Variants in MOGAT2 observed in about 807,000 individuals in gnomAD.
MOGAT2 encodes the protein monoacylglycerol O-acyltransferase 2.
Under a neutral mutation model 31.5 loss-of-function variants are expected in MOGAT2, and 27 were observed. The observed-to-expected ratio is 0.86, with a 90% confidence interval of 0.63 to 1.18. The LOEUF (loss-of-function observed/expected upper bound fraction) is 1.18. Ranked by LOEUF, MOGAT2 falls within the 50% of genes most tolerant of loss-of-function variation. MOGAT2 has a pLI of 0.00. For missense variants in MOGAT2, 436 were observed against 433.2 expected (o/e 1.01, Z -0.06); for synonymous variants, 163 against 170.0 (o/e 0.96, Z 0.32).
rs1944409721 is a variant in MOGAT2, at chr11:75,725,090, C to T, written c.271-2345C>T. Among the ~76,000 whole-genome samples the T allele has an allele frequency of 2.6e-5, 4 of 152,268 alleles. No homozygotes were observed. In the South Asian group the frequency reaches 8.3e-4, roughly 32 times the overall value. ...GCACAAGTGTGAGAAATTCTGTAGGCTAAATTCCTCAGCAGTGGAGTTGCT... is the reference window on the plus strand; with the variant it reads ...GCACAAGTGTGAGAAATTCTGTAGGTTAAATTCCTCAGCAGTGGAGTTGCT... On this transcript the variant is annotated intron_variant, in intron 2 of 5. Coordinates refer to ENST00000198801, the MANE Select transcript of MOGAT2 (RefSeq NM_025098.4).
chr11:75,726,125 A>G (rs1464165310), intron 2 of MOGAT2, among the ~76,000 whole-genome samples: 1 of 151,940 alleles, frequency 6.6e-6, no homozygotes, highest in East Asian at 1.9e-4. Flanking sequence ...GCTCTCTCTC[A>G]CTCAATCTAC....
intron 2 of MOGAT2, among the ~76,000 whole-genome samples, chr11:75,725,993 C>T (rs1316252265): frequency 6.6e-6 from 1 of 152,228 alleles, no homozygotes; most frequent in African/African-American, 2.4e-5. Flanking sequence ...CAGCGATAGT[C>T]TTTGTAGATT....
intron 2 of MOGAT2, 61 bp from the exon 3 acceptor site, chr11:75,727,374 T>C: frequency 1.3e-6 from 2 of 1,519,888 alleles, no homozygotes; most frequent in East Asian, 2.3e-5. Context: ...CACCAGTGAG[T>C]GGCAGAGTCA....
At chr11:75,724,196 C>A (rs1375271103) in intron 2 of MOGAT2, among the ~76,000 whole-genome samples, 1 of 152,248 alleles carries the variant, frequency 6.6e-6, no homozygotes, top group East Asian at 1.9e-4. Flanking sequence ...AGCCTTCCTT[C>A]TGAGGCTGTA....
rs1195759287 is a variant in MOGAT2, at chr11:75,727,503, G to A, written c.339G>A (p.Leu113=). ...YIAGFHPHGV[L]AVGAFANLCT... is the part of the protein sequence containing the mutation. ...CGGGCTTCCACCCCCATGGAGTCCT[G>A]GCAGTCGGAGCCTTTGCCAACCTGT... The change falls in exon 3 of 6, where the codon CTG becomes CTA. Residue 113 remains leucine, a synonymous_variant. Transcript: ENST00000198801. 1 of 1,614,150 alleles carries A rather than the reference G, an allele frequency of 6.2e-7. No homozygotes were observed. Among genetic ancestry groups the A allele is most frequent in the Admixed American group, 1.7e-5 (1 of 60,022 alleles).
At position 75,731,149 on chromosome 11, in the gene MOGAT2, G is replaced by A. The variant is rs1413270387; in HGVS notation, c.868G>A (p.Val290Ile). The change falls in exon 6 of 6, where the codon GTA (valine) becomes ATA (isoleucine). Residue 290 changes from valine (V) to isoleucine (I), a missense_variant. Transcript: ENST00000198801. ...ITTVVGKPIE[V>I]QKTLHPSEEE... ...CCTTGCAGTGGGGAAGCCCATCGAG[G>A]TACAGAAGACGCTGCATCCCTCGGA... 1 of 1,613,942 alleles carries A rather than the reference G, an allele frequency of 6.2e-7. No homozygotes were observed. Among genetic ancestry groups the A allele is most frequent in the Non-Finnish European group, 8.5e-7 (1 of 1,180,002 alleles).
chr11:75,729,975 C>T (rs1944460734), intron 5 of MOGAT2, among the ~76,000 whole-genome samples: 1 of 151,978 alleles, frequency 6.6e-6, no homozygotes, highest in South Asian at 2.1e-4. Context: ...GAACTCCTGA[C>T]CTCAAGTGAT....
In MOGAT2 at chr11:75,723,122, C is replaced by T. The variant is rs570474342; in HGVS notation, c.270+2952C>T. Among the ~76,000 whole-genome samples, 9 of 151,922 alleles carry T rather than the reference C, an allele frequency of 5.9e-5. No homozygotes were observed. The South Asian group carries it at 6.2e-4, about 11-fold the overall frequency. ...GATTACAGGTGCCCGCCACCACTCC[C>T]GGCTGATTTGTATTTTTTTAGTAGA... On this transcript the variant is annotated intron_variant, in intron 2 of 5. Transcript: ENST00000198801.
intron 3 of MOGAT2, 87 bp downstream of exon 3, chr11:75,727,726 G>C: frequency 7.4e-7 from 1 of 1,357,904 alleles, no homozygotes; most frequent in South Asian, 1.3e-5. Flanking sequence ...CCAAGAGCGT[G>C]TGCAGTAGGA....
chr11:75,731,331 T>C lies in MOGAT2; in HGVS notation c.*45T>C. The stretch of plus-strand genomic sequence containing the variant: ...CATTAGGGAGCCCAGCAGGAGGTGC[T>C]GTGCTGAGAAGACTTCCTGGAGGTG... On this transcript the variant is annotated 3_prime_UTR_variant, in exon 6 of 6. Transcript: ENST00000198801. 1 of 1,597,200 alleles carries C rather than the reference T, an allele frequency of 6.3e-7. No individual in the cohort carries two copies. The highest frequency in any genetic ancestry group is 8.5e-7 in the Non-Finnish European group (1 of 1,172,014).
At position 75,727,771 on chromosome 11, in the gene MOGAT2, G is replaced by A. The variant is rs575238553; in HGVS notation, c.475+132G>A. The stretch of plus-strand genomic sequence containing the variant: ...TAGGCCCAAAGAAGCACTTCCTACA[G>A]CACCATGCTGGGCGCTGAGTCCATC... On this transcript the variant is annotated intron_variant, in intron 3 of 5. Coordinates refer to ENST00000198801, the MANE Select transcript of MOGAT2 (RefSeq NM_025098.4). 301 of 1,065,250 alleles carry A rather than the reference G, an allele frequency of 2.8e-4. 1 individual carries two copies. Among genetic ancestry groups the A allele is most frequent in the Non-Finnish European group, 3.7e-4 (272 of 729,018 alleles). 66.0% of individuals were successfully genotyped at this position (1,065,250 alleles called of 1,614,324 possible).
At position 75,727,459 on chromosome 11, in the gene MOGAT2, C is replaced by A. The variant is rs774536304; in HGVS notation, c.295C>A (p.Pro99Thr). Reference sequence around the variant, plus strand: ...GCTGGTCAAGACTGCTGAGCTGGACCCCTCTCGGAACTACATTGCGGGCTT... The same window carrying A: ...GCTGGTCAAGACTGCTGAGCTGGACACCTCTCGGAACTACATTGCGGGCTT... The part of the protein sequence containing the change: ...ISLVKTAELD[P>T]SRNYIAGFHP... The change falls in exon 3 of 6, where the codon CCC (proline) becomes ACC (threonine). Residue 99 changes from proline (P) to threonine (T), a missense_variant. Transcript: ENST00000198801. 2.5e-6 allele frequency: 4 copies of A among 1,613,984 alleles called. No individual in the cohort carries two copies. The highest frequency in any genetic ancestry group is 1.1e-5 in the South Asian group (1 of 91,090).
intron 2 of MOGAT2, 95 bp downstream of exon 2, chr11:75,720,265 C>A: frequency 7.2e-7 from 1 of 1,380,864 alleles, no homozygotes; most frequent in Non-Finnish European, 1.0e-6. Context: ...TATGGCCCTG[C>A]ATGCACTGAG....
intron 2 of MOGAT2, among the ~76,000 whole-genome samples, chr11:75,724,204 G>T (rs529383795): frequency 6.6e-6 from 1 of 152,334 alleles, no homozygotes; most frequent in East Asian, 1.9e-4. Flanking sequence ...TTCTGAGGCT[G>T]TACCAGCCTC....
At position 75,731,219 on chromosome 11, in the gene MOGAT2, G is replaced by A. The variant is rs12281468; in HGVS notation, c.938G>A (p.Cys313Tyr). ...QLHQRYIKEL[C>Y]NLFEAHKLKF... is the part of the protein sequence containing the mutation. Reference sequence around the variant, plus strand: ...CACCAGCGTTATATCAAAGAGCTGTGCAACCTCTTCGAGGCCCACAAACTT... The same window carrying A: ...CACCAGCGTTATATCAAAGAGCTGTACAACCTCTTCGAGGCCCACAAACTT... The change falls in exon 6 of 6, where the codon TGC becomes TAC. Residue 313 changes from cysteine (C) to tyrosine (Y), a missense_variant. Transcript: ENST00000198801. The A allele has an allele frequency of 2.9e-3, 4,756 of 1,614,136 alleles. 132 individuals are homozygous for A. The African/African-American group carries it at 0.056, about 19-fold the overall frequency.
intron 1 of MOGAT2, 138 bp downstream of exon 1, chr11:75,718,117 C>G: frequency 2.3e-6 from 2 of 878,236 alleles, no homozygotes; most frequent in South Asian, 1.6e-5. Flanking sequence ...GAGCCCCTGC[C>G]CAGAGAGAAC....
chr11:75,719,906 G>A, intron 1 of MOGAT2, 86 bp from the exon 2 acceptor site: 1 of 1,366,866 alleles, frequency 7.3e-7, no homozygotes. Flanking sequence ...GCTAGTGCCA[G>A]GCCTATGGGC....
At chr11:75,726,716 T>TG (rs1491208961) in intron 2 of MOGAT2, among the ~76,000 whole-genome samples, 6 of 145,348 alleles carry the variant, frequency 4.1e-5, no homozygotes, top group African/African-American at 1.7e-4. Context: ...TTTTTTTTTT[T>TG]GAGACTGAGT....
rs767289035 is a variant in MOGAT2 at position 75,728,971 on chromosome 11, C to T, written c.832C>T (p.Arg278Trp). The T allele has an allele frequency of 3.2e-5, 51 of 1,613,714 alleles. No individual in the cohort carries two copies. The highest frequency in any genetic ancestry group is 9.3e-5 in the African/African-American group (7 of 74,926). The part of the protein sequence containing the change: ...QYSFGLIPYR[R>W]PITTVVGKPI... ...CAGCTTTGGTTTAATACCCTACCGC[C>T]GGCCCATCACCACTGTGGGTAAGTC... The change falls in exon 5 of 6, where the codon CGG (arginine) becomes TGG (tryptophan). Residue 278 changes from arginine to tryptophan, a missense_variant. By Grantham distance (101) the Arg-to-Trp change is moderately radical. Coordinates refer to ENST00000198801, the MANE Select transcript of MOGAT2 (RefSeq NM_025098.4).
Sources: gnomAD v4.1 joint callset for allele counts (sites outside exome capture counted in the v4.1 genomes callset) on GRCh38, gnomAD v4.1.1 for gene constraint, MANE v1.5 for transcripts, NCBI Gene and HGNC (gene_info 2026-07-23, HGNC 2026-07-21) for gene names.